The following CDH19 variants were observed in gnomAD, a reference collection of about 807,000 sequenced individuals.
CDH19 encodes cadherin-19.
In CDH19, 67 loss-of-function variants were observed where a neutral mutation model predicts 64.2. The ratio of observed to expected loss-of-function variants is 1.04; its 90% CI spans 0.86 to 1.28. The LOEUF (loss-of-function observed/expected upper bound fraction) is 1.28. Among genes scored for constraint, CDH19 ranks in the 50% most tolerant of loss-of-function variants. CDH19 has a pLI of 0.00. For missense variants in CDH19, 1,030 were observed against 929.0 expected (o/e 1.11, Z -1.41); for synonymous variants, 346 against 319.3 (o/e 1.08, Z -0.89).
At chr18:66,516,827 T>C (rs2040210) in intron 9 of CDH19, among the ~76,000 whole-genome samples, 66,592 of 151,740 alleles carry the variant, frequency 0.44, 15,325 homozygotes, top group African/African-American at 0.57. Context: ...AGAATATAGG[T>C]TCCTATTAGG....
At chr18:66,576,734 T>C (rs564882824) in intron 1 of CDH19, among the ~76,000 whole-genome samples, 5 of 151,468 alleles carry the variant, frequency 3.3e-5, no homozygotes, top group Admixed American at 6.6e-5. Flanking sequence ...TTCTATCCAA[T>C]GAAATAAGAA....
chr18:66,557,783 A>G (rs1490480808), intron 3 of CDH19, among the ~76,000 whole-genome samples: 1 of 151,764 alleles, frequency 6.6e-6, no homozygotes, highest in African/African-American at 2.4e-5. Context: ...AGATCTAAGT[A>G]TGGTGTATTT....
intron 4 of CDH19, 119 bp from the exon 5 acceptor site, chr18:66,551,377 C>G: frequency 1.6e-6 from 1 of 637,588 alleles, no homozygotes; most frequent in South Asian, 1.9e-5. Context: ...TGCAATGTGA[C>G]AGAGACTTCA....
chr18:66,536,384 A>G (rs961757837), intron 7 of CDH19, among the ~76,000 whole-genome samples: 43 of 151,796 alleles, frequency 2.8e-4, no homozygotes, highest in Non-Finnish European at 4.4e-5. Context: ...TAAAATATTT[A>G]TAAGTATTTT....
chr18:66,567,064 C>T (rs1270821232), intron 3 of CDH19, among the ~76,000 whole-genome samples: 1 of 151,876 alleles, frequency 6.6e-6, no homozygotes, highest in Non-Finnish European at 1.5e-5. Context: ...CTCACCCATA[C>T]ATAACACTTT....
intron 7 of CDH19, among the ~76,000 whole-genome samples, chr18:66,537,299 T>C (rs1368244433): frequency 6.6e-6 from 1 of 151,874 alleles, no homozygotes; most frequent in Non-Finnish European, 1.5e-5. Flanking sequence ...TATTGAAGAG[T>C]ATTGGTCAAT....
chr18:66,587,938 T>A (rs1390297649), intron 1 of CDH19, among the ~76,000 whole-genome samples: 1 of 152,202 alleles, frequency 6.6e-6, no homozygotes, highest in Non-Finnish European at 1.5e-5. Flanking sequence ...ACAGTAAATA[T>A]TATATTCATT....
intron 1 of CDH19, among the ~76,000 whole-genome samples, chr18:66,599,429 G>A (rs975091970): frequency 2.0e-5 from 3 of 152,014 alleles, no homozygotes; most frequent in Non-Finnish European, 4.4e-5. Flanking sequence ...GGAAATGAAG[G>A]TCAAATCTCA....
At chr18:66,567,497 C>T (rs2144567585) in intron 3 of CDH19, among the ~76,000 whole-genome samples, 1 of 151,870 alleles carries the variant, frequency 6.6e-6, no homozygotes, top group East Asian at 1.9e-4. Context: ...TTTGTTTCTG[C>T]TGTATTTAAA....
intron 11 of CDH19, 96 bp downstream of exon 11, chr18:66,508,899 T>C: frequency 7.9e-7 from 1 of 1,272,060 alleles, no homozygotes; most frequent in Middle Eastern, 2.4e-4. Flanking sequence ...GTATTTATCA[T>C]GTTATTTTAA....
rs746310512 is a variant in CDH19 at position 66,551,186 on chromosome 18, T to C, written c.683A>G (p.Asp228Gly). ...CAACGCTCCTGGCTGACCAATCATG[T>C]CCTTGGCTTGAATGATTACCCAATA... ...DEYWVIIQAK[D>G]MIGQPGALSG... The change falls in exon 5 of 12, where the codon GAC (aspartate) becomes GGC (glycine). Residue 228 changes from aspartate to glycine, a missense_variant. Asp to Gly is a moderately conservative substitution (Grantham distance 94, BLOSUM62 -1). Coordinates refer to ENST00000262150, the MANE Select transcript of CDH19 (RefSeq NM_021153.4). 3 of 1,599,246 alleles carry C rather than the reference T, an allele frequency of 1.9e-6. No homozygotes were observed. In the South Asian group the frequency reaches 3.3e-5, roughly 18 times the overall value.
chr18:66,515,194 C>T (rs1985681407), intron 9 of CDH19, among the ~76,000 whole-genome samples: 1 of 151,582 alleles, frequency 6.6e-6, no homozygotes, highest in African/African-American at 2.4e-5. Flanking sequence ...TCTTAAAAAT[C>T]TTATCTGAGT....
At chr18:66,528,464 T>C (rs1986309149) in intron 9 of CDH19, among the ~76,000 whole-genome samples, 1 of 152,130 alleles carries the variant, frequency 6.6e-6, no homozygotes, top group Admixed American at 6.5e-5. Flanking sequence ...CCTTTTACTT[T>C]CCCAAATCCT....
rs964600799 is a variant in CDH19 at position 66,516,356 on chromosome 18, C to T, written c.1459-4671G>A. ...AACAACTGCTTGGTAATCAAAATCA[C>T]TTTATGTGATATACAAAAAAACCCA... On this transcript the variant is annotated intron_variant, in intron 9 of 11. Transcript: ENST00000262150. Among the ~76,000 whole-genome samples, 10 of 151,918 alleles carry T rather than the reference C, an allele frequency of 6.6e-5. 1 individual carries two copies. Among genetic ancestry groups the T allele is most frequent in the Admixed American group, 5.9e-4 (9 of 15,220 alleles).
chr18:66,567,058 C>T (rs1025914898), intron 3 of CDH19, among the ~76,000 whole-genome samples: 1 of 151,846 alleles, frequency 6.6e-6, no homozygotes, highest in Non-Finnish European at 1.5e-5. Flanking sequence ...TCATACCTCA[C>T]CCATACATAA....
At chr18:66,562,749 T>C (rs1156472412) in intron 3 of CDH19, among the ~76,000 whole-genome samples, 1 of 152,138 alleles carries the variant, frequency 6.6e-6, no homozygotes, top group Non-Finnish European at 1.5e-5. Flanking sequence ...GAAGATAATA[T>C]ATTTGTTGTG....
At chr18:66,576,626 G>T (rs1988274384) in intron 1 of CDH19, among the ~76,000 whole-genome samples, 1 of 151,182 alleles carries the variant, frequency 6.6e-6, no homozygotes, top group Non-Finnish European at 1.5e-5. Flanking sequence ...CAAAATAAAT[G>T]AAATACAAGA....
chr18:66,577,905 T>A (rs1943781856), intron 1 of CDH19, among the ~76,000 whole-genome samples: 1 of 151,958 alleles, frequency 6.6e-6, no homozygotes, highest in Non-Finnish European at 1.5e-5. Context: ...ATTCCTTGCA[T>A]GCCTTGGTTC....
At chr18:66,525,091 T>C (rs1986169545) in intron 9 of CDH19, among the ~76,000 whole-genome samples, 1 of 152,142 alleles carries the variant, frequency 6.6e-6, no homozygotes, top group South Asian at 2.1e-4. Context: ...GGTGTAGACA[T>C]TTCCTTATTT....
Sources: allele counts gnomAD v4.1 joint callset (sites outside exome capture counted in the v4.1 genomes callset), GRCh38; gene constraint gnomAD v4.1.1; transcripts MANE v1.5; gene names NCBI Gene and HGNC (gene_info 2026-07-23, HGNC 2026-07-21).